RGS6: variants seen among roughly 807,000 people sequenced by gnomAD.
RGS6 encodes the protein regulator of G-protein signaling 6.
In RGS6, 30 loss-of-function variants were observed where a neutral mutation model predicts 78.5. The ratio of observed to expected loss-of-function variants is 0.38; its 90% CI spans 0.29 to 0.52. The LOEUF (loss-of-function observed/expected upper bound fraction) is 0.52. Among genes scored for constraint, RGS6 ranks in the 20% least tolerant of loss-of-function variants. The pLI is 0.85. For missense variants in RGS6, 495 were observed against 609.7 expected (o/e 0.81, Z 1.98); for synonymous variants, 206 against 206.0 (o/e 1.00, Z 0.00).
intron 2 of RGS6, among the ~76,000 whole-genome samples, chr14:72,222,757 A>G (rs1367708142): frequency 6.6e-6 from 1 of 152,230 alleles, no homozygotes; most frequent in East Asian, 1.9e-4. Context: ...GTAATACTCA[A>G]TAGGATAAAG....
intron 17 of RGS6, among the ~76,000 whole-genome samples, chr14:72,554,386 A>G (rs1168108408): frequency 1.3e-5 from 2 of 152,250 alleles, no homozygotes; most frequent in Non-Finnish European, 2.9e-5. Context: ...CACAATATCA[A>G]GTAACTAAAT....
chr14:71,994,408 T>G (rs2095104051), intron 2 of RGS6, among the ~76,000 whole-genome samples: 1 of 152,120 alleles, frequency 6.6e-6, no homozygotes, highest in South Asian at 2.1e-4. Context: ...ACTTGCAGGA[T>G]TCCTCGAATA....
chr14:72,122,028 C>A (rs1290003483), intron 2 of RGS6, among the ~76,000 whole-genome samples: 3 of 152,076 alleles, frequency 2.0e-5, no homozygotes, highest in Admixed American at 6.5e-5. Context: ...TTCCCCATAA[C>A]AAAAAATTAC....
intron 2 of RGS6, among the ~76,000 whole-genome samples, chr14:72,037,239 C>G (rs2091841166): frequency 6.6e-6 from 1 of 152,166 alleles, no homozygotes; most frequent in Admixed American, 6.5e-5. Context: ...AGCTGGCCAC[C>G]CAAGCCAGCA....
chr14:71,870,660 T>C, the RGS6 span, among the ~76,000 whole-genome samples: 2 of 152,182 alleles, frequency 1.3e-5, no homozygotes, highest in Non-Finnish European at 2.9e-5. Flanking sequence ...TCTGTGGTGC[T>C]CAACTACTGT....
At chr14:72,306,908 C>T (rs1162841729) in intron 2 of RGS6, among the ~76,000 whole-genome samples, 1 of 152,114 alleles carries the variant, frequency 6.6e-6, no homozygotes, top group African/African-American at 2.4e-5. Context: ...AGATTGATTC[C>T]AATTTTGAAA....
chr14:71,889,455 C>T, the RGS6 span, among the ~76,000 whole-genome samples: 7 of 151,878 alleles, frequency 4.6e-5, no homozygotes, highest in South Asian at 2.1e-4. Context: ...GGAGAGTCAG[C>T]GAAGGGGGAT....
At position 72,120,173 on chromosome 14, in the gene RGS6, A is replaced by C. The variant is rs80205156; in HGVS notation, c.84+155298A>C. On this transcript the variant is annotated intron_variant, in intron 2 of 17. Transcript: ENST00000553525. ...TATTTAGAGGATATAATTCAGATTTAAACCATGGAATATTTTCCTTGATAC... is the reference window on the plus strand; with the variant it reads ...TATTTAGAGGATATAATTCAGATTTCAACCATGGAATATTTTCCTTGATAC... Among the ~76,000 whole-genome samples the C allele has an allele frequency of 2.4e-3, 365 of 152,362 alleles. 2 individuals are homozygous for C. Among genetic ancestry groups the C allele is most frequent in the African/African-American group, 8.4e-3 (348 of 41,586 alleles).
At chr14:72,470,178 T>C (rs2096034653) in intron 8 of RGS6, 95 bp downstream of exon 8, 1 of 905,150 alleles carries the variant, frequency 1.1e-6, no homozygotes, top group Non-Finnish European at 1.8e-6. Context: ...AGTTTCCAGA[T>C]GGCGTTAGTA....
rs147717115 is a variant in RGS6, at chr14:72,062,273, C to T, written c.84+97398C>T. ...ATGTAGTAGGATGTTTGAAGAACAG[C>T]AAAGAGACCAGTGTGGCTGGAAGAA... On this transcript the variant is annotated intron_variant, in intron 2 of 17. Transcript: ENST00000553525. 3.6e-3 allele frequency among the ~76,000 whole-genome samples: 545 copies of T among 152,282 alleles called. 9 individuals carry two copies. The highest frequency in any genetic ancestry group is 0.013 in the African/African-American group (525 of 41,570).
At chr14:72,206,241 G>A (rs2042679868) in intron 2 of RGS6, among the ~76,000 whole-genome samples, 1 of 152,092 alleles carries the variant, frequency 6.6e-6, no homozygotes, top group Non-Finnish European at 1.5e-5. Context: ...AAGATGGGAG[G>A]ATCTTTTGAG....
intron 2 of RGS6, chr14:71,990,831 A>C (rs2094926534): frequency 4.4e-6 from 2 of 455,978 alleles, no homozygotes; most frequent in Non-Finnish European, 4.4e-6. Flanking sequence ...TACCACAAAC[A>C]TAACAGGTAG....
intron 2 of RGS6, among the ~76,000 whole-genome samples, chr14:72,260,403 C>T (rs2057929831): frequency 6.6e-6 from 1 of 152,192 alleles, no homozygotes; most frequent in Non-Finnish European, 1.5e-5. Context: ...TATTCTAAAA[C>T]ATGCTGCTAG....
chr14:72,338,666 C>T (rs533653456), intron 2 of RGS6, among the ~76,000 whole-genome samples: 1 of 152,330 alleles, frequency 6.6e-6, no homozygotes, highest in Non-Finnish European at 1.5e-5. Context: ...GGAACTCTTA[C>T]AAACCTATAC....
At chr14:72,123,815 T>G (rs763986857) in intron 2 of RGS6, among the ~76,000 whole-genome samples, 1 of 152,124 alleles carries the variant, frequency 6.6e-6, no homozygotes, top group Non-Finnish European at 1.5e-5. Flanking sequence ...TCTCCAAACT[T>G]TGAAAAACAT....
the RGS6 span, among the ~76,000 whole-genome samples, chr14:71,890,677 T>C: frequency 6.6e-6 from 1 of 152,238 alleles, no homozygotes. Context: ...TTTGGGATGT[T>C]TCCTCTGTAG....
chr14:72,544,046 G>C (rs989858523), intron 17 of RGS6, among the ~76,000 whole-genome samples: 1 of 152,218 alleles, frequency 6.6e-6, no homozygotes, highest in Non-Finnish European at 1.5e-5. Context: ...TCTCTCTTAA[G>C]TGTGCTTGTT....
chr14:72,455,361 A>G (rs2095604894), intron 4 of RGS6, among the ~76,000 whole-genome samples: 2 of 152,174 alleles, frequency 1.3e-5, no homozygotes, highest in East Asian at 1.9e-4. Context: ...ACCTGCCCCA[A>G]ATTAAATGGC....
chr14:71,937,004 G>T (rs899133263), intron 1 of RGS6, among the ~76,000 whole-genome samples: 1 of 152,246 alleles, frequency 6.6e-6, no homozygotes, highest in African/African-American at 2.4e-5. Flanking sequence ...GCCTGGATTG[G>T]GCTGTTGTAG....
Sources: gnomAD v4.1 joint callset for allele counts (sites outside exome capture counted in the v4.1 genomes callset) on GRCh38, gnomAD v4.1.1 for gene constraint, MANE v1.5 for transcripts, NCBI Gene and HGNC (gene_info 2026-07-23, HGNC 2026-07-21) for gene names.